The following RBM19 variants were observed in gnomAD, a reference collection of about 807,000 sequenced individuals.
RBM19 encodes RNA binding motif protein 19, also known as probable RNA-binding protein 19.
RBM19 carries 94 observed loss-of-function variants against 116.8 expected under a neutral mutation model. The observed-to-expected ratio is 0.80, with a 90% CI of 0.68 to 0.95. RBM19 has a LOEUF of 0.95. Among genes scored for constraint, RBM19 ranks in the 40% least tolerant of loss-of-function variants. RBM19 has a pLI of 0.00. For missense variants in RBM19, 1,161 were observed against 1,220.7 expected, an observed-to-expected ratio of 0.95 and a Z score of 0.73; for synonymous variants, 475 against 494.1, an observed-to-expected ratio of 0.96 and a Z score of 0.51.
chr12:113,878,383 A>G (rs1254884778), intron 21 of RBM19, among the ~76,000 whole-genome samples: 1 of 152,216 alleles, frequency 6.6e-6, no homozygotes, highest in Non-Finnish European at 1.5e-5. Context: ...TAGGGAGGTT[A>G]GCACAAAGCC....
chr12:113,961,433 T>C (rs1214318381), intron 2 of RBM19, among the ~76,000 whole-genome samples: 1 of 152,144 alleles, frequency 6.6e-6, no homozygotes, highest in African/African-American at 2.4e-5. Flanking sequence ...CAATGGAAGT[T>C]AAAAAAGATG....
intron 21 of RBM19, among the ~76,000 whole-genome samples, chr12:113,905,143 A>G (rs1881954991): frequency 6.6e-6 from 1 of 152,230 alleles, no homozygotes; most frequent in African/African-American, 2.4e-5. Context: ...AAAGACCTGA[A>G]GTGCTAATGG....
intron 4 of RBM19, 58 bp from the exon 5 acceptor site, chr12:113,959,462 G>C (rs1426242904): frequency 6.5e-7 from 1 of 1,548,016 alleles, no homozygotes; most frequent in Non-Finnish European, 8.8e-7. Flanking sequence ...GGAAGAGGCA[G>C]AGAAGGCTCA....
At chr12:113,817,127 CA>C (rs1874086015), downstream of RBM19, 1 of 152,160 alleles carries the variant, frequency 6.6e-6, no homozygotes, top group African/African-American at 2.4e-5. Context: ...CGGCCCTGCA[CA>C]AAAGACAAAA....
At chr12:113,915,294 G>A (rs1048866116) in intron 20 of RBM19, among the ~76,000 whole-genome samples, 3 of 152,188 alleles carry the variant, frequency 2.0e-5, no homozygotes, top group Admixed American at 6.5e-5. Context: ...GGACACATCC[G>A]TGCTTGGGTG....
intron 23 of RBM19, among the ~76,000 whole-genome samples, chr12:113,833,935 G>A (rs747069748): frequency 1.3e-5 from 2 of 151,712 alleles, no homozygotes; most frequent in African/African-American, 2.4e-5. Flanking sequence ...TTTTAGAGAC[G>A]GGGTCTCGCT....
At chr12:113,879,327 G>A (rs771050552) in intron 21 of RBM19, among the ~76,000 whole-genome samples, 2 of 151,852 alleles carry the variant, frequency 1.3e-5, no homozygotes, top group Admixed American at 6.6e-5. Flanking sequence ...CCAGCTCCCT[G>A]GGGTCATCTG....
intron 10 of RBM19, 125 bp downstream of exon 10, chr12:113,948,708 A>T (rs757365769): frequency 6.3e-6 from 6 of 947,662 alleles, no homozygotes; most frequent in Non-Finnish European, 9.4e-6. Flanking sequence ...CATTTTACAG[A>T]TGAGAAAACT....
intron 21 of RBM19, among the ~76,000 whole-genome samples, chr12:113,901,212 G>A (rs988032851): frequency 9.2e-5 from 14 of 152,060 alleles, no homozygotes; most frequent in African/African-American, 3.4e-4. Context: ...GATTTCCCTA[G>A]GTACAGTTAG....
chr12:113,905,823 T>C (rs115627994), intron 21 of RBM19, among the ~76,000 whole-genome samples: 4,822 of 152,146 alleles, frequency 0.032, 223 homozygotes, highest in African/African-American at 0.11. Context: ...CAAGAGACAA[T>C]AGATATCCAA....
intron 21 of RBM19, among the ~76,000 whole-genome samples, chr12:113,896,871 C>G (rs1460883107): frequency 6.6e-6 from 1 of 152,218 alleles, no homozygotes; most frequent in African/African-American, 2.4e-5. Flanking sequence ...TTTCATGGCA[C>G]TCCTAGGCCG....
rs530249101 is a variant in RBM19, at chr12:113,940,186, G to A, written c.1738-26C>T. On this transcript the variant is annotated intron_variant, in intron 14 of 23. Transcript: ENST00000261741. ...CTGCAAAGAGGAAATGCACACACAT[G>A]GGACCACAGGAGGGAGGAGGGTCCC... The A allele has an allele frequency of 1.6e-5, 25 of 1,599,182 alleles. 1 individual carries two copies. In the South Asian group the frequency reaches 2.7e-4, roughly 17 times the overall value.
At chr12:113,834,664 C>T (rs1046407235) in intron 23 of RBM19, among the ~76,000 whole-genome samples, 1 of 152,178 alleles carries the variant, frequency 6.6e-6, no homozygotes, top group Non-Finnish European at 1.5e-5. Context: ...TTTGCAACTG[C>T]TGCTGTAGCT....
chr12:113,954,973 G>C (rs553785066), intron 7 of RBM19, among the ~76,000 whole-genome samples, 158 bp downstream of exon 7: 2 of 152,194 alleles, frequency 1.3e-5, no homozygotes, highest in East Asian at 3.9e-4. Flanking sequence ...CCCTGACGAT[G>C]CCGGAGATGT....
At chr12:113,923,971 G>A (rs1176328803) in intron 18 of RBM19, among the ~76,000 whole-genome samples, 1 of 152,250 alleles carries the variant, frequency 6.6e-6, no homozygotes, top group African/African-American at 2.4e-5. Flanking sequence ...GCATGCAGTA[G>A]GTGCTCAGGA....
chr12:113,866,074 C>T (rs1232213360), intron 21 of RBM19, among the ~76,000 whole-genome samples: 1 of 152,172 alleles, frequency 6.6e-6, no homozygotes, highest in African/African-American at 2.4e-5. Context: ...CAAGCCTGCT[C>T]TGACAAGAGG....
At chr12:113,923,489 T>G (rs568386707) in intron 18 of RBM19, among the ~76,000 whole-genome samples, 5 of 152,334 alleles carry the variant, frequency 3.3e-5, no homozygotes, top group Admixed American at 3.3e-4. Context: ...TTCTGTGCTG[T>G]ATGTCTGCTT....
chr12:113,960,149 C>T lies in RBM19; in HGVS notation c.249G>A (p.Pro83=), dbSNP rs758446253. 2.2e-5 allele frequency: 35 copies of T among 1,613,754 alleles called. No homozygotes were observed. The highest frequency in any genetic ancestry group is 8.0e-5 in the African/African-American group (6 of 74,892). ...TVEFCKSFGD[P]AKPRAWSKHA... ...GTTTGCTCCAGGCTCTGGGTTTGGCCGGGTCCCCGAATGACTTGCAGAACT... is the reference window on the plus strand; with the variant it reads ...GTTTGCTCCAGGCTCTGGGTTTGGCTGGGTCCCCGAATGACTTGCAGAACT... Residue 83 remains proline, a synonymous_variant, in exon 3 of 24, where the codon CCG becomes CCA. Coordinates refer to ENST00000261741, the MANE Select transcript of RBM19 (RefSeq NM_016196.4).
rs572487271 is a variant in RBM19 at position 113,961,374 on chromosome 12, A to G, written c.219+858T>C. 8.3e-4 allele frequency among the ~76,000 whole-genome samples: 127 copies of G among 152,262 alleles called. 1 individual carries two copies. Among genetic ancestry groups the G allele is most frequent in the Non-Finnish European group, 7.6e-4 (52 of 68,012 alleles). On this transcript the variant is annotated intron_variant, in intron 2 of 23. Coordinates refer to ENST00000261741, the MANE Select transcript of RBM19 (RefSeq NM_016196.4). ...CTTCCAAAATAGGCTTGTTATCTCT[A>G]TAATAATGACATGCTCACGGTACAA...
Sources: gnomAD v4.1 joint callset for allele counts (sites outside exome capture counted in the v4.1 genomes callset) on GRCh38, gnomAD v4.1.1 for gene constraint, MANE v1.5 for transcripts, NCBI Gene and HGNC (gene_info 2026-07-23, HGNC 2026-07-21) for gene names.